Variants in ACSL6 observed in about 807,000 individuals in gnomAD.
The protein encoded by ACSL6 is acyl-CoA synthetase long chain family member 6, also known as long-chain-fatty-acid--CoA ligase 6.
A neutral mutation model predicts 98.2 loss-of-function variants in ACSL6; 47 were observed. The ratio of observed to expected loss-of-function variants is 0.48; its 90% confidence interval spans 0.38 to 0.61. The LOEUF is 0.61. Ranked by LOEUF, ACSL6 falls within the 20% of genes least tolerant of loss-of-function variation. The pLI is 0.00. For missense variants in ACSL6, 761 were observed against 913.4 expected, an observed-to-expected ratio of 0.83 and a Z score of 2.15; for synonymous variants, 362 against 336.9, an observed-to-expected ratio of 1.07 and a Z score of -0.82.
chr5:132,011,755 G>A (rs1755750361), upstream of ACSL6: 11 of 1,300,178 alleles, frequency 8.5e-6, no homozygotes, highest in South Asian at 2.6e-4. This position sits in a 1 kb window ranked among gnomAD's most constrained non-coding sequence, Gnocchi z 5.4. Flanking sequence ...GCGCGCACTC[G>A]CAACCGAGCC....
At chr5:131,958,227 G>GC (rs1339959492) in intron 20 of ACSL6, among the ~76,000 whole-genome samples, 1 of 152,212 alleles carries the variant, frequency 6.6e-6, no homozygotes. Context: ...GAGGCGTGAA[G>GC]GCCTTGTGAA....
chr5:131,963,662 C>A (rs940728945), intron 17 of ACSL6, among the ~76,000 whole-genome samples: 1 of 152,190 alleles, frequency 6.6e-6, no homozygotes, highest in Non-Finnish European at 1.5e-5. Context: ...TCCTTGCTCA[C>A]AAATCCATCT....
chr5:131,988,552 G>A (rs567760886), intron 6 of ACSL6: 1 of 1,545,116 alleles, frequency 6.5e-7, no homozygotes, highest in East Asian at 2.3e-5. Flanking sequence ...TCAGAGGGCT[G>A]TACCCTGTGT....
At chr5:131,960,917 A>G (rs1275014427) in intron 18 of ACSL6, 2 of 249,352 alleles carry the variant, frequency 8.0e-6, no homozygotes, top group Non-Finnish European at 1.5e-5. Flanking sequence ...GAGGCTGAGC[A>G]AACAACTCTC....
chr5:131,986,971 ACCC>A, intron 7 of ACSL6, 117 bp from the exon 8 acceptor site: 1 of 827,478 alleles, frequency 1.2e-6, no homozygotes, highest in Non-Finnish European at 2.0e-6. Context: ...ACACACACAT[ACCC>A]ACACACTCAC....
chr5:131,997,380 C>A (rs982043304), intron 1 of ACSL6, among the ~76,000 whole-genome samples: 2 of 152,206 alleles, frequency 1.3e-5, no homozygotes, highest in African/African-American at 4.8e-5. Context: ...TCAATGCCAG[C>A]CCCTCATGTG....
chr5:131,975,880 C>A, intron 10 of ACSL6: 33 of 985,488 alleles, frequency 3.3e-5, no homozygotes, highest in Non-Finnish European at 3.7e-5. Flanking sequence ...TGGCTCCTGA[C>A]CTGGGCTCAG....
chr5:131,971,341 C>T (rs1753296145), intron 14 of ACSL6, among the ~76,000 whole-genome samples: 1 of 152,090 alleles, frequency 6.6e-6, no homozygotes, highest in Admixed American at 6.5e-5. Flanking sequence ...AAAGAATTTC[C>T]CAGAGTGGAT....
At chr5:131,990,999 C>A (rs920250388) in intron 2 of ACSL6, 32 bp from the exon 3 acceptor site, 1 of 1,605,790 alleles carries the variant, frequency 6.2e-7, no homozygotes, top group Admixed American at 1.7e-5. Context: ...GAGAAGTTGG[C>A]TGAGGCAGGT....
upstream of ACSL6, chr5:132,011,851 G>C: frequency 4.6e-6 from 7 of 1,508,146 alleles, no homozygotes; most frequent in Non-Finnish European, 6.2e-6. The surrounding 1 kb of genome is among the most constrained non-coding windows in gnomAD (Gnocchi z 5.4). Flanking sequence ...GCTCCCGGGC[G>C]GGGGAGGGGC....
At position 131,994,013 on chromosome 5, in the gene ACSL6, G is replaced by A. The variant is rs370322805; in HGVS notation, c.270+18C>T. The A allele has an allele frequency of 7.0e-5, 112 of 1,609,012 alleles. 1 individual carries two copies. The South Asian group carries it at 8.4e-4, about 12-fold the overall frequency. ...TGCCCCCTACTTTCCGCAGTGGAAC[G>A]TCTCCTATCCTGCTCACCTCTACTT... On this transcript the variant is annotated intron_variant, in intron 2 of 20. Coordinates refer to ENST00000651883, the MANE Select transcript of ACSL6 (RefSeq NM_001009185.3).
At chr5:131,959,836 C>A (rs1752604827) in intron 19 of ACSL6, 4 of 552,490 alleles carry the variant, frequency 7.2e-6, no homozygotes, top group Non-Finnish European at 1.3e-5. Flanking sequence ...GGCTAAGGGA[C>A]CACTCAATTT....
At chr5:131,966,777 T>G (rs550929467) in intron 16 of ACSL6, among the ~76,000 whole-genome samples, 5 of 152,342 alleles carry the variant, frequency 3.3e-5, no homozygotes, top group Non-Finnish European at 1.5e-5. Context: ...TTGTCATCTC[T>G]TCTCCCTCAG....
rs756820980 is a variant in ACSL6, at chr5:131,973,279, C to T, written c.1190G>A (p.Arg397Gln). 36 of 1,613,930 alleles carry T rather than the reference C, an allele frequency of 2.2e-5. No homozygotes were observed. The highest frequency in any genetic ancestry group is 3.3e-5 in the Admixed American group (2 of 59,994). The change falls in exon 12 of 21, where the codon CGG becomes CAG. Residue 397 changes from arginine to glutamine, a missense_variant. Transcript: ENST00000651883. ...IFPVVPRLLN[R>Q]MYDKIFSQAN... ...TGCAGAACTTACCTTGTCGTACATC[C>T]GGTTCAGCAGTCGTGGGACCACAGG... is the stretch of plus-strand genomic sequence containing the variant.
chr5:131,999,892 T>C (rs1754990811), intron 1 of ACSL6, among the ~76,000 whole-genome samples: 1 of 152,160 alleles, frequency 6.6e-6, no homozygotes, highest in Non-Finnish European at 1.5e-5. Context: ...GAAAGGGAGT[T>C]TGCCAAGTGG....
chr5:132,011,813 G>A, upstream of ACSL6: 7 of 1,479,270 alleles, frequency 4.7e-6, no homozygotes, highest in Non-Finnish European at 6.3e-6. This position sits in a 1 kb window ranked among gnomAD's most constrained non-coding sequence, Gnocchi z 5.4. Flanking sequence ...GGCTTGCCCC[G>A]CACTGACCGC....
Position 131,988,213 on chromosome 5 carries a change from G to A in ACSL6, c.666C>T (p.Thr222=), listed in dbSNP as rs1045894704. 2.4e-5 allele frequency: 39 copies of A among 1,614,004 alleles called. No homozygotes were observed. Among genetic ancestry groups the A allele is most frequent in the Middle Eastern group, 3.3e-4 (2 of 6,084 alleles). ...RYIINTADIS[T]VIVDKPQKAV... The stretch of plus-strand genomic sequence containing the variant: ...CCTTCTGAGGTTTGTCCACAATCAC[G>A]GTGCTGATGTCCGCTGCAGGGGGCC... Residue 222 remains threonine, a synonymous_variant, in exon 7 of 21, where the codon ACC becomes ACT. Coordinates refer to ENST00000651883, the MANE Select transcript of ACSL6 (RefSeq NM_001009185.3).
At chr5:132,012,137 A>G (rs368962872), upstream of ACSL6, 141 of 537,516 alleles carry the variant, frequency 2.6e-4, no homozygotes, top group African/African-American at 2.5e-3. Context: ...GCTGACACCA[A>G]CGCCCCCTAG....
intron 20 of ACSL6, among the ~76,000 whole-genome samples, chr5:131,957,899 CAG>C (rs1178055284): frequency 6.6e-6 from 1 of 152,132 alleles, no homozygotes; most frequent in Non-Finnish European, 1.5e-5. Flanking sequence ...AGAATGAGAA[CAG>C]AGAAAATCAA....
Sources: gnomAD v4.1 joint callset for allele counts (sites outside exome capture counted in the v4.1 genomes callset) on GRCh38, gnomAD v4.1.1 for gene constraint, Gnocchi (gnomAD v3.1) non-coding constraint, MANE v1.5 for transcripts, NCBI Gene and HGNC (gene_info 2026-07-23, HGNC 2026-07-21) for gene names.